The following GRIP2 variants were observed in gnomAD, a reference collection of about 807,000 sequenced individuals.
GRIP2 encodes the protein glutamate receptor interacting protein 2.
GRIP2 carries 58 observed loss-of-function variants against 108.3 expected under a neutral mutation model. The observed-to-expected ratio is 0.54, with a 90% confidence interval of 0.43 to 0.67. The LOEUF is 0.67. GRIP2 is among the 30% of genes least tolerant of loss of function. The pLI, the probability that GRIP2 is intolerant of heterozygous loss-of-function variation, is 0.00. For synonymous variants in GRIP2, 586 were observed against 598.2 expected, an observed-to-expected ratio of 0.98 and a Z score of 0.30; for missense variants, 1,278 against 1,430.6, an observed-to-expected ratio of 0.89 and a Z score of 1.72.
At chr3:14,541,660 C>T (rs75751999), upstream of GRIP2, among the ~76,000 whole-genome samples, 27 of 152,322 alleles carry the variant, frequency 1.8e-4, no homozygotes, top group African/African-American at 5.5e-4. Flanking sequence ...CCTGCCCTGC[C>T]GCCCACTTCC....
chr3:14,594,901 G>GTTA, the GRIP2 span, among the ~76,000 whole-genome samples: 33,498 of 151,866 alleles, frequency 0.22, 4,231 homozygotes, highest in Middle Eastern at 0.3. Context: ...ATGGTTAGCT[G>GTTA]TTATTATTAT....
At chr3:14,575,067 T>C in the GRIP2 span, among the ~76,000 whole-genome samples, 1 of 152,002 alleles carries the variant, frequency 6.6e-6, no homozygotes, top group Non-Finnish European at 1.5e-5. Context: ...TGGGATGTGA[T>C]TGGAGATGAG....
intron 1 of GRIP2, among the ~76,000 whole-genome samples, chr3:14,538,660 T>C (rs1694890680): frequency 6.6e-6 from 1 of 152,110 alleles, no homozygotes; most frequent in African/African-American, 2.4e-5. Flanking sequence ...GGAGGAGACC[T>C]AGGGTGGAGG....
At chr3:14,547,430 G>A (rs947818353) in intron 1 of GRIP2, among the ~76,000 whole-genome samples, 5 of 152,198 alleles carry the variant, frequency 3.3e-5, no homozygotes, top group South Asian at 2.1e-4. Context: ...CAGATCTGGC[G>A]CTGGGATGGC....
Position 14,520,401 on chromosome 3 carries a change from G to T in GRIP2, c.849C>A (p.Ser283Arg), listed in dbSNP as rs61731940. ...AGGGTGTGCCTTACCTGTCCACCAC[G>T]CTGGCTGGCTTGATGCGGTCGATGG... Reference protein sequence around the residue: ...VITIDRIKPASVVDRSGALHP... With the variant: ...VITIDRIKPARVVDRSGALHP... Residue 283 changes from serine (S) to arginine (R), a missense_variant, in exon 8 of 24, where the codon AGC becomes AGA. Transcript: ENST00000621039. 1 of 1,612,020 alleles carries T rather than the reference G, an allele frequency of 6.2e-7. No homozygotes were observed. The highest frequency in any genetic ancestry group is 8.5e-7 in the Non-Finnish European group (1 of 1,179,116).
chr3:14,545,696 C>G (rs1296660113), upstream of GRIP2, among the ~76,000 whole-genome samples: 1 of 152,222 alleles, frequency 6.6e-6, no homozygotes, highest in Non-Finnish European at 1.5e-5. Flanking sequence ...TCTGTACTAA[C>G]AAGGTCTTTG....
At chr3:14,556,109 T>C, upstream of GRIP2, 1 of 397,428 alleles carries the variant, frequency 2.5e-6, no homozygotes, top group Admixed American at 4.4e-5. Context: ...CTAAAATAGA[T>C]AATCCTCCCC....
At chr3:14,551,524 G>A (rs1055555003) in intron 1 of GRIP2, among the ~76,000 whole-genome samples, 3 of 152,214 alleles carry the variant, frequency 2.0e-5, no homozygotes, top group Non-Finnish European at 4.4e-5. Context: ...AGAGCGGGAG[G>A]AGACTGTCCT....
At chr3:14,547,220 A>G (rs1695071518) in intron 1 of GRIP2, among the ~76,000 whole-genome samples, 1 of 152,228 alleles carries the variant, frequency 6.6e-6, no homozygotes, top group African/African-American at 2.4e-5. Context: ...AGACAGAATG[A>G]GATCTACCCC....
At chr3:14,520,361 A>T in intron 8 of GRIP2, 29 bp downstream of exon 8, 1 of 1,610,786 alleles carries the variant, frequency 6.2e-7, no homozygotes, top group South Asian at 1.1e-5. Flanking sequence ...ACACACCTCC[A>T]TGGTGGCAGC....
At chr3:14,593,709 T>G in the GRIP2 span, among the ~76,000 whole-genome samples, 1 of 152,204 alleles carries the variant, frequency 6.6e-6, no homozygotes, top group Admixed American at 6.5e-5. Context: ...GGTTCCTCGA[T>G]AGGGATGCTG....
At chr3:14,569,123 G>C in the GRIP2 span, among the ~76,000 whole-genome samples, 5 of 152,164 alleles carry the variant, frequency 3.3e-5, no homozygotes, top group South Asian at 1.0e-3. Flanking sequence ...AGACGCCCCC[G>C]CCTTATGGGG....
chr3:14,550,012 G>A (rs1469541386), intron 1 of GRIP2, among the ~76,000 whole-genome samples: 4 of 152,152 alleles, frequency 2.6e-5, no homozygotes, highest in Non-Finnish European at 5.9e-5. Context: ...CCACCCAGCT[G>A]AGAATATGCC....
chr3:14,510,117 A>G (rs958047111), intron 16 of GRIP2, among the ~76,000 whole-genome samples, 153 bp from the exon 17 acceptor site: 18 of 152,236 alleles, frequency 1.2e-4, no homozygotes, highest in African/African-American at 4.1e-4. Context: ...GGGGACCCTG[A>G]GGCCATCTTC....
intron 21 of GRIP2, among the ~76,000 whole-genome samples, chr3:14,498,478 G>C (rs1407625932): frequency 6.6e-6 from 1 of 152,012 alleles, no homozygotes; most frequent in African/African-American, 2.4e-5. Context: ...AATAAAAACT[G>C]TTTTAGGGCC....
intron 20 of GRIP2, among the ~76,000 whole-genome samples, chr3:14,504,483 T>C (rs957338513): frequency 6.6e-6 from 1 of 151,816 alleles, no homozygotes; most frequent in African/African-American, 2.4e-5. Context: ...GGCCAACTTT[T>C]TGTATTTTTA....
the GRIP2 span, among the ~76,000 whole-genome samples, chr3:14,592,577 G>A: frequency 4.9e-4 from 75 of 152,296 alleles, 3 homozygotes; most frequent in South Asian, 6.8e-3. Context: ...CTGTCCTCAC[G>A]GTTTGGGCTC....
At chr3:14,534,168 A>G (rs551124888) in intron 1 of GRIP2, among the ~76,000 whole-genome samples, 16 of 152,296 alleles carry the variant, frequency 1.1e-4, no homozygotes, top group African/African-American at 3.4e-4. Context: ...ACATCCTCAG[A>G]TGGGGGGGAA....
chr3:14,508,136 C>T (rs765184241), intron 17 of GRIP2, among the ~76,000 whole-genome samples: 2 of 152,238 alleles, frequency 1.3e-5, no homozygotes, highest in Non-Finnish European at 2.9e-5. Flanking sequence ...CTCCAGCAGA[C>T]ACCCTTGGTA....
Sources: gnomAD v4.1 joint callset for allele counts (sites outside exome capture counted in the v4.1 genomes callset) on GRCh38, gnomAD v4.1.1 for gene constraint, MANE v1.5 for transcripts, NCBI Gene and HGNC (gene_info 2026-07-23, HGNC 2026-07-21) for gene names.